The following STAB2 variants were observed in gnomAD, a reference collection of about 807,000 sequenced individuals.
STAB2 encodes the protein stabilin 2.
STAB2 carries 288 observed loss-of-function variants against 338.1 expected under a neutral mutation model. The ratio of observed to expected loss-of-function variants is 0.85; its 90% CI spans 0.77 to 0.94. The LOEUF is 0.94. Among genes scored for constraint, STAB2 ranks in the 40% least tolerant of loss-of-function variants. STAB2 has a pLI of 0.00. For synonymous variants in STAB2, 1,202 were observed against 1,193.3 expected, an observed-to-expected ratio of 1.01 and a Z score of -0.15; for missense variants, 3,141 against 3,210.1, an observed-to-expected ratio of 0.98 and a Z score of 0.52.
At chr12:103,611,053 C>T (rs985171657) in intron 3 of STAB2, among the ~76,000 whole-genome samples, 2 of 152,124 alleles carry the variant, frequency 1.3e-5, no homozygotes, top group African/African-American at 4.8e-5. Flanking sequence ...GTCTGAGAGA[C>T]AGTTTGTTAT....
At chr12:103,651,526 A>T (rs901902975) in intron 11 of STAB2, among the ~76,000 whole-genome samples, 2 of 151,994 alleles carry the variant, frequency 1.3e-5, no homozygotes. Flanking sequence ...GTTGACCAGG[A>T]TGGTCTCCAT....
At chr12:103,616,052 C>T (rs1183951341) in intron 3 of STAB2, among the ~76,000 whole-genome samples, 1 of 152,162 alleles carries the variant, frequency 6.6e-6, no homozygotes, top group Non-Finnish European at 1.5e-5. Context: ...TTCCAAACAC[C>T]TTGTCCAGTG....
intron 17 of STAB2, 121 bp from the exon 18 acceptor site, chr12:103,662,725 A>G: frequency 1.7e-6 from 2 of 1,166,794 alleles, no homozygotes; most frequent in Non-Finnish European, 2.4e-6. Context: ...CCTCCAATGA[A>G]AAGTTAAGTG....
At chr12:103,587,646 G>A in intron 1 of STAB2, 89 bp downstream of exon 1, 1 of 1,057,382 alleles carries the variant, frequency 9.5e-7, no homozygotes, top group Non-Finnish European at 1.4e-6. Flanking sequence ...TATGGGTAAA[G>A]GGTGAAATCT....
chr12:103,755,785 G>A, intron 63 of STAB2, 67 bp downstream of exon 63: 1 of 1,484,742 alleles, frequency 6.7e-7, no homozygotes, highest in South Asian at 1.1e-5. Flanking sequence ...GTATTAGAGG[G>A]GTGAGGCCTT....
At chr12:103,743,892 G>A (rs1439696408) in intron 56 of STAB2, among the ~76,000 whole-genome samples, 1 of 152,144 alleles carries the variant, frequency 6.6e-6, no homozygotes, top group Non-Finnish European at 1.5e-5. Flanking sequence ...CCAGGGGCCA[G>A]ATCTTCTTGG....
intron 18 of STAB2, among the ~76,000 whole-genome samples, chr12:103,664,744 T>TATTA (rs1322417012): frequency 1.3e-5 from 2 of 152,234 alleles, no homozygotes. Context: ...ATTCTTTTAA[T>TATTA]TCTAGATATT....
intron 33 of STAB2, 57 bp from the exon 34 acceptor site, chr12:103,699,039 G>T: frequency 6.4e-7 from 1 of 1,558,672 alleles, no homozygotes; most frequent in South Asian, 1.2e-5. Context: ...CATGGGAGAA[G>T]CTGGGTAACT....
chr12:103,699,112 G>A lies in STAB2; in HGVS notation c.3599G>A (p.Arg1200Gln), dbSNP rs142775768. 3.7e-5 allele frequency: 60 copies of A among 1,608,638 alleles called. No homozygotes were observed. The African/African-American group carries it at 4.0e-4, about 11-fold the overall frequency. The change falls in exon 34 of 69, where the codon CGG becomes CAG. Residue 1200 changes from arginine to glutamine, a missense_variant. Arg to Gln is a conservative substitution (Grantham distance 43). Transcript: ENST00000388887. ...KVLSLEEDVL[R>Q]YHVVLEEKLL... ...GTGATCCAGGAGGAGGACGTCCTCCGGTATCATGTGGTCCTGGAGGAGAAA... is the reference window on the plus strand; with the variant it reads ...GTGATCCAGGAGGAGGACGTCCTCCAGTATCATGTGGTCCTGGAGGAGAAA...
intron 3 of STAB2, among the ~76,000 whole-genome samples, chr12:103,597,504 C>T (rs201743197): frequency 6.6e-6 from 1 of 152,124 alleles, no homozygotes; most frequent in East Asian, 1.9e-4. Context: ...GGTAAAGAAG[C>T]GCAATGAAAA....
intron 63 of STAB2, chr12:103,757,865 G>A (rs1040794659): frequency 5.2e-6 from 2 of 385,826 alleles, no homozygotes; most frequent in South Asian, 2.8e-5. Flanking sequence ...TGAGTGAAGT[G>A]GGGGGCCACT....
At chr12:103,743,171 C>T (rs61113588) in intron 56 of STAB2, among the ~76,000 whole-genome samples, 38 of 152,002 alleles carry the variant, frequency 2.5e-4, no homozygotes, top group African/African-American at 6.5e-4. Flanking sequence ...TACAGGCGCC[C>T]GCCACCACAC....
At chr12:103,591,136 T>G in intron 2 of STAB2, 106 bp downstream of exon 2, 1 of 1,489,076 alleles carries the variant, frequency 6.7e-7, no homozygotes. Context: ...TCTAAGACAA[T>G]AAGCCCAAAC....
intron 31 of STAB2, among the ~76,000 whole-genome samples, chr12:103,695,251 G>A (rs1408948796): frequency 1.3e-5 from 2 of 152,182 alleles, no homozygotes; most frequent in African/African-American, 4.8e-5. Flanking sequence ...AGATTAATGC[G>A]AGCTGGAATT....
At position 103,678,203 on chromosome 12, in the gene STAB2, C is replaced by A. The variant is rs570807735; in HGVS notation, c.2805+592C>A. ...GATGGGAACCAGGATTTTAAATCAACCCCCTTATCTTTTGAATCTTGATAC... is the reference window on the plus strand; with the variant it reads ...GATGGGAACCAGGATTTTAAATCAAACCCCTTATCTTTTGAATCTTGATAC... On this transcript the variant is annotated intron_variant, in intron 25 of 68. Transcript: ENST00000388887. Among the ~76,000 whole-genome samples the A allele has an allele frequency of 1.2e-4, 19 of 152,272 alleles. No individual in the cohort carries two copies. In the East Asian group the frequency reaches 3.1e-3, roughly 25 times the overall value.
intron 67 of STAB2, 109 bp downstream of exon 67, chr12:103,762,511 G>A (rs1294559826): frequency 5.1e-5 from 80 of 1,558,326 alleles, no homozygotes; most frequent in Non-Finnish European, 6.5e-5. Context: ...CCCAGAAGCA[G>A]TGTGTCACAC....
chr12:103,739,642 T>C (rs946379496), intron 54 of STAB2, among the ~76,000 whole-genome samples, 174 bp downstream of exon 54: 5 of 151,594 alleles, frequency 3.3e-5, no homozygotes, highest in African/African-American at 1.2e-4. Context: ...TGGGGTAAGA[T>C]AGATATTCTC....
chr12:103,706,514 C>G (rs1879360369), intron 37 of STAB2, among the ~76,000 whole-genome samples: 1 of 152,124 alleles, frequency 6.6e-6, no homozygotes, highest in South Asian at 2.1e-4. Flanking sequence ...GCTGCCCCTC[C>G]TCCTTTCTCA....
In STAB2 at chr12:103,648,706, G is replaced by T. The variant is rs201505244; in HGVS notation, c.1057G>T (p.Gly353Cys). ...PGRTECICQK[G>C]YVGDGLTCYG... ...TCTCTGTAGATGCATTTGCCAGAAA[G>T]GTTACGTGGGTGATGGCTTAACGTG... Residue 353 changes from glycine to cysteine, a missense_variant, in exon 10 of 69, where the codon GGT (glycine) becomes TGT (cysteine). Transcript: ENST00000388887. The T allele has an allele frequency of 8.6e-5, 138 of 1,613,974 alleles. No homozygotes were observed. The highest frequency in any genetic ancestry group is 6.7e-4 in the East Asian group (30 of 44,880).
Sources: allele counts gnomAD v4.1 joint callset (sites outside exome capture counted in the v4.1 genomes callset), GRCh38; gene constraint gnomAD v4.1.1; transcripts MANE v1.5; gene names NCBI Gene and HGNC (gene_info 2026-07-23, HGNC 2026-07-21).